The following SSC5D variants were observed in gnomAD, a reference collection of about 807,000 sequenced individuals.
The protein encoded by SSC5D is soluble scavenger receptor cysteine-rich domain-containing protein SSC5D.
A neutral mutation model predicts 104.6 loss-of-function variants in SSC5D; 106 were observed. The observed-to-expected ratio is 1.01, with a 90% CI of 0.87 to 1.19. The LOEUF (loss-of-function observed/expected upper bound fraction) is 1.19, where lower values mean the gene tolerates loss of function less well. Among genes scored for constraint, SSC5D ranks in the 50% most tolerant of loss-of-function variants. The pLI is 0.00. For synonymous variants in SSC5D, 860 were observed against 883.5 expected (o/e 0.97, Z 0.47); for missense variants, 1,993 against 2,153.8 (o/e 0.93, Z 1.48).
Position 55,517,346 on chromosome 19 carries a change from T to G in SSC5D, c.3070T>G (p.Ser1024Ala), listed in dbSNP as rs1987895229. The G allele has an allele frequency of 1.3e-6, 2 of 1,550,108 alleles. No individual in the cohort carries two copies. Among genetic ancestry groups the G allele is most frequent in the African/African-American group, 2.7e-5 (2 of 72,860 alleles). ...GGGACCCCCAGGCCCAGCGCTGACC[T>G]CTGACTCCAGTCGAGAGCTCACTCC... is the stretch of plus-strand genomic sequence containing the variant. ...SPGPPGPALT[S>A]DSSRELTPHS... Residue 1024 changes from serine to alanine, a missense_variant, in exon 14 of 14, where the codon TCT (serine) becomes GCT (alanine). By Grantham distance (99) the Ser-to-Ala change is moderately conservative. Coordinates refer to ENST00000389623, the MANE Select transcript of SSC5D (RefSeq NM_001144950.2).
rs1377438044 is a variant in SSC5D at position 55,518,440 on chromosome 19, C to T, written c.4164C>T (p.Ala1388=). 1.3e-6 allele frequency: 2 copies of T among 1,551,384 alleles called. No homozygotes were observed. Among genetic ancestry groups the T allele is most frequent in the Non-Finnish European group, 1.7e-6 (2 of 1,146,962 alleles). ...TACCCACCTTAGAGCCCTCTCCAGC[C>T]TTGGAGTCCAGCCCCTCCAGGTCCT... The part of the protein sequence containing the change: ...SQIPTLEPSP[A]LESSPSRSST... The change falls in exon 14 of 14, where the codon GCC becomes GCT. Residue 1388 remains alanine (A), a synonymous_variant. Coordinates refer to ENST00000389623, the MANE Select transcript of SSC5D (RefSeq NM_001144950.2).
chr19:55,495,539 A>G (rs568768462), intron 8 of SSC5D, among the ~76,000 whole-genome samples: 14 of 149,698 alleles, frequency 9.4e-5, no homozygotes, highest in Non-Finnish European at 2.1e-4. Context: ...GGTCTCTTTC[A>G]TGAGTATTGA....
chr19:55,509,688 C>G (rs1341522983), intron 12 of SSC5D, among the ~76,000 whole-genome samples: 1 of 150,708 alleles, frequency 6.6e-6, no homozygotes, highest in African/African-American at 2.4e-5. Flanking sequence ...TAAACACTGT[C>G]TCTACTTAAA....
Position 55,518,610 on chromosome 19 carries a change from C to T in SSC5D, c.4334C>T (p.Thr1445Ile). Reference sequence around the variant, plus strand: ...TCCCCTGACCCCCTCCTTTCCCCCACAGCCCACCCCTTGGATCATCCTCCC... The same window carrying T: ...TCCCCTGACCCCCTCCTTTCCCCCATAGCCCACCCCTTGGATCATCCTCCC... ...TVSPDPLLSP[T>I]AHPLDHPPLD... is the part of the protein sequence containing the mutation. Residue 1445 changes from threonine to isoleucine, a missense_variant, in exon 14 of 14, where the codon ACA (threonine) becomes ATA (isoleucine). Thr to Ile is a moderately conservative substitution (Grantham distance 89). Around this residue, in one of 6 missense-constraint regions of SSC5D, gnomAD observed 349 missense variants for 397.6 expected, o/e 0.88. Transcript: ENST00000389623. 2 of 1,527,802 alleles carry T rather than the reference C, an allele frequency of 1.3e-6. No individual in the cohort carries two copies. The highest frequency in any genetic ancestry group is 2.1e-5 in the Admixed American group (1 of 48,702). 94.6% of individuals were successfully genotyped at this position (1,527,802 alleles called of 1,614,324 possible). A position where few individuals can be genotyped will look rare whatever the true frequency, so the allele number is the denominator to read the frequency against.
intron 9 of SSC5D, 41 bp downstream of exon 9, chr19:55,498,238 C>T (rs750918128): frequency 1.9e-5 from 30 of 1,543,734 alleles, no homozygotes; most frequent in Non-Finnish European, 2.6e-5. Context: ...AGGAGGGCTT[C>T]CTGGAGGGGA....
At chr19:55,502,397 C>A (rs1311815508) in intron 12 of SSC5D, among the ~76,000 whole-genome samples, 2 of 151,762 alleles carry the variant, frequency 1.3e-5, no homozygotes, top group African/African-American at 4.8e-5. Flanking sequence ...CCCATCATTT[C>A]TTTTTCCCTG....
rs747195172 is a variant in SSC5D, at chr19:55,518,358, G to T, written c.4082G>T (p.Ser1361Ile). The T allele has an allele frequency of 2.3e-5, 36 of 1,550,428 alleles. No individual in the cohort carries two copies. In the Middle Eastern group the frequency reaches 5.0e-4, roughly 21 times the overall value. The stretch of plus-strand genomic sequence containing the variant: ...ACTCTAGCACCAACAGTCAAGCCCA[G>T]TCTGCACCCCCAGTTGACCTTCACA... ...SPTLAPTVKP[S>I]LHPQLTFTAP... is the part of the protein sequence containing the mutation. The change falls in exon 14 of 14, where the codon AGT becomes ATT. Residue 1361 changes from serine (S) to isoleucine (I), a missense_variant. By Grantham distance (142) the Ser-to-Ile change is moderately radical. Transcript: ENST00000389623.
At position 55,489,980 on chromosome 19, in the gene SSC5D, C is replaced by A. The variant is rs1286349228; in HGVS notation, c.460C>A (p.Pro154Thr). 2 of 1,548,900 alleles carry A rather than the reference C, an allele frequency of 1.3e-6. No homozygotes were observed. Among genetic ancestry groups the A allele is most frequent in the Admixed American group, 2.0e-5 (1 of 50,900 alleles). ...LLELSPSTEE[P>T]LVTHAPRPAG... ...GGAGCTGAGCCCCAGCACGGAGGAG[C>A]CCCTGGTGACACATGGTGAGCCCAG... The change falls in exon 4 of 14, where the codon CCC becomes ACC. Residue 154 changes from proline to threonine, a missense_variant. This residue lies in a region of SSC5D where 1,101 missense variants were observed against 1,085.0 expected (regional missense o/e 1.01). Transcript: ENST00000389623.
At chr19:55,502,821 AATT>A (rs1987540942) in intron 12 of SSC5D, among the ~76,000 whole-genome samples, 2 of 148,446 alleles carry the variant, frequency 1.3e-5, no homozygotes, top group Admixed American at 1.4e-4. Context: ...ATGCCTGGCT[AATT>A]TTTTTTTTTG....
chr19:55,519,051 A>C lies in SSC5D; in HGVS notation c.*53A>C, dbSNP rs1415550013. ...ACACCCCCAACCAAAAAAAACAAAA[A>C]CAAAAAAAACCCCCAAAGTATCTAA... On this transcript the variant is annotated 3_prime_UTR_variant, in exon 14 of 14. Coordinates refer to ENST00000389623, the MANE Select transcript of SSC5D (RefSeq NM_001144950.2). 1.5e-5 allele frequency: 23 copies of C among 1,492,132 alleles called. No individual in the cohort carries two copies. The Admixed American group carries it at 2.3e-4, about 15-fold the overall frequency. The allele number at this position is 1,492,132 out of a possible 1,614,324, so 92.4% of individuals were successfully genotyped here.
Position 55,517,440 on chromosome 19 carries a change from C to T in SSC5D, c.3164C>T (p.Ala1055Val), listed in dbSNP as rs1987898771. 1.3e-6 allele frequency: 2 copies of T among 1,551,132 alleles called. No individual in the cohort carries two copies. Among genetic ancestry groups the T allele is most frequent in the Non-Finnish European group, 8.7e-7 (1 of 1,146,984 alleles). ...PDTSPPTPDP[A>V]SRTNPDLILT... ...ACTTCACCACCCACCCCAGACCCGGCCTCCCGGACGAACCCCGACCTCATC... is the reference window on the plus strand; with the variant it reads ...ACTTCACCACCCACCCCAGACCCGGTCTCCCGGACGAACCCCGACCTCATC... Residue 1055 changes from alanine to valine, a missense_variant, in exon 14 of 14, where the codon GCC (alanine) becomes GTC (valine). Ala to Val is a moderately conservative substitution (Grantham distance 64). This residue lies in a region of SSC5D where 423 missense variants were observed against 409.2 expected (regional missense o/e 1.03). Transcript: ENST00000389623.
chr19:55,512,966 A>C, intron 12 of SSC5D, 45 bp from the exon 13 acceptor site: 1 of 1,551,190 alleles, frequency 6.4e-7, no homozygotes, highest in Non-Finnish European at 8.7e-7. Context: ...AGTCAAACTC[A>C]AAGGGAAGTT....
Position 55,496,552 on chromosome 19 carries a change from C to T in SSC5D, c.1388-1328C>T, listed in dbSNP as rs574591349. Among the ~76,000 whole-genome samples the T allele has an allele frequency of 3.3e-5, 5 of 152,262 alleles. No individual in the cohort carries two copies. In the East Asian group the frequency reaches 5.8e-4, roughly 18 times the overall value. ...GGTGACTGATGCTGTTCCCAGTTCTCTCCGTGTCTCAGTCCAGGTGATGCT... is the reference window on the plus strand; with the variant it reads ...GGTGACTGATGCTGTTCCCAGTTCTTTCCGTGTCTCAGTCCAGGTGATGCT... On this transcript the variant is annotated intron_variant, in intron 8 of 13. Transcript: ENST00000389623.
chr19:55,510,267 G>A (rs1309483798), intron 12 of SSC5D, among the ~76,000 whole-genome samples: 1 of 152,206 alleles, frequency 6.6e-6, no homozygotes, highest in East Asian at 1.9e-4. Flanking sequence ...CCAAAGTGCT[G>A]GGATTACAGG....
At chr19:55,515,749 A>G (rs937925773) in intron 13 of SSC5D, among the ~76,000 whole-genome samples, 35 of 151,134 alleles carry the variant, frequency 2.3e-4, no homozygotes, top group Non-Finnish European at 4.9e-4. Flanking sequence ...AAAATAAAAT[A>G]AAATAAAAGA....
chr19:55,511,714 G>C (rs1022462887), intron 12 of SSC5D, among the ~76,000 whole-genome samples: 1 of 151,978 alleles, frequency 6.6e-6, no homozygotes, highest in Non-Finnish European at 1.5e-5. Flanking sequence ...CGTGTAGGAC[G>C]AGACGATGCT....
chr19:55,492,598 G>C (rs988595786), intron 6 of SSC5D: 3 of 152,132 alleles, frequency 2.0e-5, no homozygotes, highest in Non-Finnish European at 2.9e-5. Context: ...AAGCAGACAG[G>C]TGTGTTAGAC....
chr19:55,490,058 G>A (rs1262703551), intron 4 of SSC5D, 63 bp downstream of exon 4: 1 of 846,656 alleles, frequency 1.2e-6, no homozygotes, highest in Non-Finnish European at 1.6e-6. Flanking sequence ...CCCCCGAGGG[G>A]AGAGGGACTG....
intron 12 of SSC5D, among the ~76,000 whole-genome samples, chr19:55,504,989 G>T (rs1011219584): frequency 6.6e-6 from 1 of 151,946 alleles, no homozygotes; most frequent in African/African-American, 2.4e-5. Context: ...ATTATAACCT[G>T]TTTTAAGTGA....
Sources: gnomAD v4.1 joint callset for allele counts (sites outside exome capture counted in the v4.1 genomes callset) on GRCh38, gnomAD v4.1.1 for gene constraint, gnomAD v4.1.1 regional missense constraint, MANE v1.5 for transcripts, NCBI Gene and HGNC (gene_info 2026-07-23, HGNC 2026-07-21) for gene names.